Variants in DLG2 observed in about 807,000 individuals in gnomAD.
The protein encoded by DLG2 is disks large homolog 2.
A neutral mutation model predicts 132.5 loss-of-function variants in DLG2; 45 were observed. The ratio of observed to expected loss-of-function variants is 0.34; its 90% CI spans 0.27 to 0.44. DLG2 has a LOEUF of 0.44. Among genes scored for constraint, DLG2 ranks in the 20% least tolerant of loss-of-function variants. The pLI is 1.00. For synonymous variants in DLG2, 424 were observed against 419.6 expected, an observed-to-expected ratio of 1.01 and a Z score of -0.13; for missense variants, 1,045 against 1,196.9, an observed-to-expected ratio of 0.87 and a Z score of 1.87.
At chr11:85,136,928 TA>T (rs1184856619) in intron 5 of DLG2, among the ~76,000 whole-genome samples, 1 of 152,092 alleles carries the variant, frequency 6.6e-6, no homozygotes, top group Admixed American at 6.6e-5. Flanking sequence ...TGATAGTTTT[TA>T]AAAAATCTAT....
At chr11:83,532,358 A>G (rs995558442) in intron 21 of DLG2, among the ~76,000 whole-genome samples, 58 of 152,128 alleles carry the variant, frequency 3.8e-4, no homozygotes, top group African/African-American at 1.4e-3. Flanking sequence ...TGATGAGCAG[A>G]TACTTTTTAT....
At chr11:83,616,783 T>C (rs1209139076) in intron 19 of DLG2, among the ~76,000 whole-genome samples, 1 of 152,216 alleles carries the variant, frequency 6.6e-6, no homozygotes, top group Non-Finnish European at 1.5e-5. Context: ...TTTTACATTT[T>C]ATATTTTTAT....
chr11:83,780,521 A>G (rs1212599616), intron 18 of DLG2, among the ~76,000 whole-genome samples: 1 of 152,178 alleles, frequency 6.6e-6, no homozygotes, highest in Non-Finnish European at 1.5e-5. Flanking sequence ...AGCCTTAATG[A>G]CTTTCCCTTG....
At chr11:84,677,673 C>T (rs912177597) in intron 6 of DLG2, among the ~76,000 whole-genome samples, 4 of 151,836 alleles carry the variant, frequency 2.6e-5, no homozygotes, top group African/African-American at 9.7e-5. Context: ...CACTTGAGGC[C>T]AAGAGCTAGA....
chr11:84,388,807 T>C (rs2154438977), intron 7 of DLG2, among the ~76,000 whole-genome samples: 1 of 152,104 alleles, frequency 6.6e-6, no homozygotes, highest in East Asian at 1.9e-4. Context: ...ACTAAAGAAA[T>C]AATTATTTAT....
At chr11:84,104,771 AAGG>A (rs1218571351) in intron 9 of DLG2, among the ~76,000 whole-genome samples, 1 of 152,062 alleles carries the variant, frequency 6.6e-6, no homozygotes, top group African/African-American at 2.4e-5. Context: ...ACTACATAAG[AAGG>A]AGATTTTAAA....
chr11:85,164,606 T>C (rs1392338507), intron 4 of DLG2, among the ~76,000 whole-genome samples: 1 of 152,160 alleles, frequency 6.6e-6, no homozygotes, highest in African/African-American at 2.4e-5. Flanking sequence ...TTAATCTATT[T>C]CTGACTTTCT....
intron 22 of DLG2, among the ~76,000 whole-genome samples, chr11:83,478,090 T>C (rs1306643671): frequency 2.6e-5 from 4 of 152,140 alleles, no homozygotes; most frequent in African/African-American, 9.7e-5. Flanking sequence ...CCTACTATTA[T>C]GTGTGCTGAG....
At chr11:84,764,590 A>G (rs1223074672) in intron 6 of DLG2, among the ~76,000 whole-genome samples, 1 of 152,106 alleles carries the variant, frequency 6.6e-6, no homozygotes, top group Non-Finnish European at 1.5e-5. Flanking sequence ...TGGAAGTTAA[A>G]GCAGGTAAGT....
chr11:83,499,850 G>GAT lies in DLG2; in HGVS notation c.2194-15623_2194-15622insAT, dbSNP rs1491412746. ...ATATATATATTTCCTCCACTAATAG[G>GAT]AGATATATATATATATATATATATA... On this transcript the variant is annotated intron_variant, in intron 21 of 27. Coordinates refer to ENST00000376104, the MANE Select transcript of DLG2 (RefSeq NM_001142699.3). Among the ~76,000 whole-genome samples, 50 of 58,748 alleles carry GAT rather than the reference G, an allele frequency of 8.5e-4. 2 individuals carry two copies. Among genetic ancestry groups the GAT allele is most frequent in the South Asian group, 1.4e-3 (2 of 1,440 alleles). The allele number at this position is 58,748 out of a possible 152,430, so 38.5% of individuals were successfully genotyped here.
chr11:83,665,932 G>A (rs1206750475), intron 18 of DLG2, among the ~76,000 whole-genome samples: 1 of 152,030 alleles, frequency 6.6e-6, no homozygotes, highest in Non-Finnish European at 1.5e-5. Flanking sequence ...GATAAATAAA[G>A]GACTATCACA....
chr11:83,971,361 C>G (rs1592099528), intron 12 of DLG2, among the ~76,000 whole-genome samples: 1 of 151,992 alleles, frequency 6.6e-6, no homozygotes, highest in African/African-American at 2.4e-5. Context: ...AGAGGGAGCA[C>G]TGAATTTGAA....
intron 17 of DLG2, chr11:83,791,087 C>A (rs1566974919): frequency 2.9e-6 from 2 of 686,550 alleles, no homozygotes; most frequent in Non-Finnish European, 2.6e-6. Context: ...GGGGTGGACT[C>A]GGACTGGAAG....
intron 18 of DLG2, among the ~76,000 whole-genome samples, chr11:83,775,106 C>T (rs947945518): frequency 3.9e-5 from 6 of 152,198 alleles, no homozygotes; most frequent in East Asian, 1.9e-4. Flanking sequence ...CCGCTACTGT[C>T]GGACTCCGTT....
intron 6 of DLG2, among the ~76,000 whole-genome samples, chr11:84,902,849 T>C (rs990089122): frequency 3.9e-5 from 6 of 152,218 alleles, no homozygotes; most frequent in African/African-American, 7.2e-5. Flanking sequence ...AAGCTGAATG[T>C]ATGAGTCTCA....
chr11:83,728,358 C>T (rs914410934), intron 18 of DLG2, among the ~76,000 whole-genome samples: 1 of 152,174 alleles, frequency 6.6e-6, no homozygotes, highest in Non-Finnish European at 1.5e-5. Context: ...CTCTTCTCAC[C>T]ATCTTCTTCC....
chr11:84,534,990 A>C (rs1285035060), intron 6 of DLG2, among the ~76,000 whole-genome samples: 1 of 152,180 alleles, frequency 6.6e-6, no homozygotes, highest in East Asian at 1.9e-4. Flanking sequence ...TTTATGAGCT[A>C]CAGAAAGGTG....
chr11:84,701,682 T>G (rs1329102704), intron 6 of DLG2, among the ~76,000 whole-genome samples: 1 of 151,632 alleles, frequency 6.6e-6, no homozygotes, highest in African/African-American at 2.4e-5. Context: ...ATAGAAAAGA[T>G]GTACTCATAG....
intron 6 of DLG2, among the ~76,000 whole-genome samples, chr11:84,574,897 C>A (rs1241254395): frequency 6.6e-6 from 1 of 152,126 alleles, no homozygotes; most frequent in Non-Finnish European, 1.5e-5. Flanking sequence ...CTGCCATTAA[C>A]CAGCATCTAC....
Sources: allele counts gnomAD v4.1 joint callset (sites outside exome capture counted in the v4.1 genomes callset), GRCh38; gene constraint gnomAD v4.1.1; transcripts MANE v1.5; gene names NCBI Gene and HGNC (gene_info 2026-07-23, HGNC 2026-07-21).